Variants in C4orf17 observed in about 807,000 individuals in gnomAD.
The protein encoded by C4orf17 is chromosome 4 open reading frame 17, also known as uncharacterized protein C4orf17.
In C4orf17, 25 loss-of-function variants were observed where a neutral mutation model predicts 32.0. The observed-to-expected ratio is 0.78, with a 90% CI of 0.57 to 1.09. The LOEUF is 1.09. Ranked by LOEUF, C4orf17 falls within the 50% of genes least tolerant of loss-of-function variation. C4orf17 has a pLI of 0.00. For synonymous variants in C4orf17, 149 were observed against 145.8 expected (o/e 1.02, Z -0.16); for missense variants, 420 against 420.0 (o/e 1.00, Z 0.00).
chr4:99,542,270 T>C lies in C4orf17; in HGVS notation c.*161T>C. On this transcript the variant is annotated 3_prime_UTR_variant, in exon 9 of 9. Transcript: ENST00000326581. Reference sequence around the variant, plus strand: ...ACCTGTATGTAATGCTACAAATAAATATTACTGGAAATGATATTTCCATTT... The same window carrying C: ...ACCTGTATGTAATGCTACAAATAAACATTACTGGAAATGATATTTCCATTT... The C allele has an allele frequency of 1.5e-6, 1 of 645,764 alleles. No homozygotes were observed. The highest frequency in any genetic ancestry group is 2.7e-6 in the Non-Finnish European group (1 of 364,212). 40.0% of individuals were successfully genotyped at this position (645,764 alleles called of 1,614,324 possible).
At chr4:99,522,114 T>C (rs1450082742) in intron 2 of C4orf17, among the ~76,000 whole-genome samples, 1 of 152,146 alleles carries the variant, frequency 6.6e-6, no homozygotes, top group Non-Finnish European at 1.5e-5. Flanking sequence ...TTTAAAAAAT[T>C]TAAATCTGGC....
At chr4:99,515,802 T>TA (rs200311006) in intron 2 of C4orf17, among the ~76,000 whole-genome samples, 2,645 of 150,744 alleles carry the variant, frequency 0.018, 26 homozygotes, top group Admixed American at 0.026. Flanking sequence ...AAATTAAAAA[T>TA]AAAAAAAAGT....
In C4orf17 at chr4:99,540,399, C is replaced by A; in HGVS notation, c.837-13C>A. The A allele has an allele frequency of 1.9e-6, 3 of 1,603,482 alleles. No individual in the cohort carries two copies. In the South Asian group the frequency reaches 3.3e-5, roughly 18 times the overall value. On this transcript the variant is annotated splice_polypyrimidine_tract_variant and intron_variant, in intron 7 of 8. Transcript: ENST00000326581. The stretch of plus-strand genomic sequence containing the variant: ...CTGTGAAATTCACTTTTTTCTTTCT[C>A]CAACTGATCTAGAGTGTCAAGTCAA...
At chr4:99,521,066 T>G (rs1176648326) in intron 2 of C4orf17, among the ~76,000 whole-genome samples, 1 of 152,206 alleles carries the variant, frequency 6.6e-6, no homozygotes, top group Non-Finnish European at 1.5e-5. Flanking sequence ...AGCATTAGCT[T>G]AAATGTGTAT....
At chr4:99,530,233 T>C (rs1723456402) in intron 5 of C4orf17, among the ~76,000 whole-genome samples, 3 of 152,140 alleles carry the variant, frequency 2.0e-5, no homozygotes, top group Non-Finnish European at 4.4e-5. Flanking sequence ...ATTCTTTCCA[T>C]CTTTCGTTAT....
At chr4:99,537,080 G>C (rs958900298) in intron 5 of C4orf17, among the ~76,000 whole-genome samples, 5 of 152,024 alleles carry the variant, frequency 3.3e-5, no homozygotes, top group Admixed American at 6.5e-5. Context: ...GGCCTTCTTG[G>C]GGGGAGGTCG....
intron 3 of C4orf17, 42 bp downstream of exon 3, chr4:99,522,751 C>A: frequency 6.6e-7 from 1 of 1,504,602 alleles, no homozygotes; most frequent in South Asian, 1.2e-5. Context: ...CTTATGCCTC[C>A]TGCAAACAAG....
At chr4:99,520,449 T>A (rs1293138179) in intron 2 of C4orf17, among the ~76,000 whole-genome samples, 1 of 152,202 alleles carries the variant, frequency 6.6e-6, no homozygotes, top group African/African-American at 2.4e-5. Flanking sequence ...ACAAATAGTA[T>A]TACATTGAAG....
Position 99,534,636 on chromosome 4 carries a change from G to A in C4orf17, c.547-3033G>A, listed in dbSNP as rs1473480680. ...TTCCTTTTTCTCCACAACCTTGCCA[G>A]CATCTATTGTCTTTTGACTTTTTAA... is the stretch of plus-strand genomic sequence containing the variant. On this transcript the variant is annotated intron_variant, in intron 5 of 8. Transcript: ENST00000326581. 1.3e-4 allele frequency among the ~76,000 whole-genome samples: 20 copies of A among 152,238 alleles called. No individual in the cohort carries two copies. The East Asian group carries it at 3.9e-3, about 29-fold the overall frequency.
intron 5 of C4orf17, among the ~76,000 whole-genome samples, chr4:99,533,004 A>G (rs977349440): frequency 6.6e-6 from 1 of 152,204 alleles, no homozygotes; most frequent in African/African-American, 2.4e-5. Flanking sequence ...ATTTAAAACA[A>G]CGAACAACAA....
At chr4:99,515,513 T>C (rs1015992027) in intron 2 of C4orf17, among the ~76,000 whole-genome samples, 2 of 151,564 alleles carry the variant, frequency 1.3e-5, no homozygotes, top group African/African-American at 4.8e-5. Flanking sequence ...CAGGGACACA[T>C]AGAGGGGAAC....
At chr4:99,529,791 G>T in intron 4 of C4orf17, 24 bp from the exon 5 acceptor site, 1 of 1,573,452 alleles carries the variant, frequency 6.4e-7, no homozygotes, top group Non-Finnish European at 8.6e-7. Flanking sequence ...AATGTATATT[G>T]GTTATATTAT....
intron 4 of C4orf17, among the ~76,000 whole-genome samples, chr4:99,527,922 G>C (rs1289568167): frequency 6.6e-6 from 1 of 152,114 alleles, no homozygotes; most frequent in East Asian, 1.9e-4. Context: ...ATGTCTTCTT[G>C]ATAAAATGAC....
rs997253851 is a variant in C4orf17, at chr4:99,537,890, G to T, written c.628+140G>T. The T allele has an allele frequency of 7.4e-6, 5 of 676,742 alleles. No individual in the cohort carries two copies. The African/African-American group carries it at 8.9e-5, about 12-fold the overall frequency. 41.9% of individuals were successfully genotyped at this position (676,742 alleles called of 1,614,324 possible). ...TATTTCCGCAATGTTTCAGTATCAG[G>T]GTGATTACTGTTCTGCATATCCAGC... On this transcript the variant is annotated intron_variant, in intron 6 of 8. Transcript: ENST00000326581.
chr4:99,524,431 CT>C (rs1553922549), intron 3 of C4orf17, 89 bp from the exon 4 acceptor site: 1 of 640,160 alleles, frequency 1.6e-6, no homozygotes. Context: ...CAGAAACACT[CT>C]ATCTATTTCA....
chr4:99,519,767 C>T (rs1426920768), intron 2 of C4orf17, among the ~76,000 whole-genome samples: 1 of 152,072 alleles, frequency 6.6e-6, no homozygotes, highest in Non-Finnish European at 1.5e-5. Flanking sequence ...AAGACTGATT[C>T]AGTCATCAAA....
At chr4:99,541,709 G>T in intron 8 of C4orf17, 1 of 534,720 alleles carries the variant, frequency 1.9e-6, no homozygotes. Flanking sequence ...TATCCTGCAT[G>T]TTACAGAACA....
intron 6 of C4orf17, among the ~76,000 whole-genome samples, chr4:99,538,715 TAATC>T (rs1723604490): frequency 6.6e-6 from 1 of 152,028 alleles, no homozygotes; most frequent in Non-Finnish European, 1.5e-5. Flanking sequence ...AGAAAAAAAA[TAATC>T]AATAAAATTA....
intron 2 of C4orf17, among the ~76,000 whole-genome samples, chr4:99,517,195 C>G (rs1027578590): frequency 6.6e-6 from 1 of 152,182 alleles, no homozygotes; most frequent in Non-Finnish European, 1.5e-5. Context: ...GCAAAATTCT[C>G]TTTACATTTT....
Sources: allele counts gnomAD v4.1 joint callset (sites outside exome capture counted in the v4.1 genomes callset), GRCh38; gene constraint gnomAD v4.1.1; transcripts MANE v1.5; gene names NCBI Gene and HGNC (gene_info 2026-07-23, HGNC 2026-07-21).